Variants in TTLL13 observed in about 807,000 individuals in gnomAD.
The protein encoded by TTLL13 is tubulin polyglutamylase TTLL13.
chr15:90,262,702 C>T, the TTLL13 span: 6 of 1,448,472 alleles, frequency 4.1e-6, no homozygotes, highest in Non-Finnish European at 4.5e-6. Flanking sequence ...TATCTTTCCA[C>T]AGGAAAATGG....
chr15:90,251,461 G>C, the TTLL13 span: 1 of 1,306,696 alleles, frequency 7.7e-7, no homozygotes, highest in Non-Finnish European at 1.1e-6. Flanking sequence ...CTAGAGAAAA[G>C]GAATTGTGTT....
the TTLL13 span, among the ~76,000 whole-genome samples, chr15:90,256,950 C>T: frequency 3.2e-3 from 483 of 152,204 alleles, 9 homozygotes; most frequent in East Asian, 0.055. Flanking sequence ...CCTCTCAAAG[C>T]GCTGGGATTA....
At chr15:90,260,273 G>A in the TTLL13 span, among the ~76,000 whole-genome samples, 1 of 152,150 alleles carries the variant, frequency 6.6e-6, no homozygotes, top group East Asian at 1.9e-4. Context: ...TGAGGTGGGT[G>A]GATCCCTTGA....
the TTLL13 span, among the ~76,000 whole-genome samples, chr15:90,260,619 G>A: frequency 6.6e-6 from 1 of 152,148 alleles, no homozygotes; most frequent in Non-Finnish European, 1.5e-5. Context: ...TTGGGAGGCT[G>A]AGGTGGGCGG....
At chr15:90,256,577 CTTTCTTTCTTTCTTTCTTTCTTTCTTTCT>C in the TTLL13 span, among the ~76,000 whole-genome samples, 12,950 of 56,762 alleles carry the variant, frequency 0.23, 853 homozygotes, top group East Asian at 0.34. Context: ...TTCTTTCTTT[CTTTCTTTCTTTCTTTCTTTCTTTCTTTCT>C]TTCCTTCCTT....
chr15:90,250,973 T>G, the TTLL13 span: 14 of 1,504,366 alleles, frequency 9.3e-6, no homozygotes, highest in Non-Finnish European at 1.3e-5. Context: ...AGCTGGGATC[T>G]CAGATCTTCC....
At chr15:90,262,359 C>G in the TTLL13 span, 2 of 1,150,358 alleles carry the variant, frequency 1.7e-6, no homozygotes, top group Admixed American at 3.0e-5. Flanking sequence ...TTCCTATCTT[C>G]CCCTCTCATT....
chr15:90,258,946 A>T, the TTLL13 span: 1 of 1,614,082 alleles, frequency 6.2e-7, no homozygotes, highest in Non-Finnish European at 8.5e-7. Flanking sequence ...GGTGTCTGGC[A>T]TGTGTTTAGT....
the TTLL13 span, chr15:90,255,780 C>T: frequency 6.2e-7 from 1 of 1,614,154 alleles, no homozygotes; most frequent in African/African-American, 1.3e-5. Context: ...CCTGGCATGA[C>T]AGAAATCTGC....
chr15:90,263,374 C>T, the TTLL13 span: 2 of 516,686 alleles, frequency 3.9e-6, no homozygotes, highest in Non-Finnish European at 6.8e-6. Context: ...AGCTCCAAAC[C>T]TTCTCATTTA....
the TTLL13 span, chr15:90,263,868 T>A: frequency 1.0e-6 from 1 of 969,512 alleles, no homozygotes. Context: ...TTCTGCCCCA[T>A]GAATCAATCC....
chr15:90,256,569 CT>C, the TTLL13 span, among the ~76,000 whole-genome samples: 6 of 33,296 alleles, frequency 1.8e-4, no homozygotes, highest in African/African-American at 7.2e-4. Context: ...TTCTTTCTTT[CT>C]TTCTTTCTTT....
At chr15:90,258,746 A>C in the TTLL13 span, 2 of 1,614,102 alleles carry the variant, frequency 1.2e-6, no homozygotes, top group Non-Finnish European at 1.7e-6. Context: ...CTGGCAGGTA[A>C]ACCACTCTCC....
the TTLL13 span, chr15:90,257,201 C>A: frequency 6.2e-7 from 1 of 1,613,846 alleles, no homozygotes; most frequent in Non-Finnish European, 8.5e-7. Flanking sequence ...ATCCTGTGAC[C>A]CTCTCCGGAT....
chr15:90,259,053 G>T, the TTLL13 span: 1 of 1,521,258 alleles, frequency 6.6e-7, no homozygotes, highest in Non-Finnish European at 8.8e-7. Context: ...TAGATAATAT[G>T]TTCATATTTG....
chr15:90,262,720 CA>C, the TTLL13 span: 1 of 1,422,556 alleles, frequency 7.0e-7, no homozygotes, highest in Non-Finnish European at 9.2e-7. Flanking sequence ...TGGGTTGGGA[CA>C]ACTAGATAGG....
chr15:90,256,302 A>T, the TTLL13 span: 1 of 1,614,116 alleles, frequency 6.2e-7, no homozygotes, highest in Non-Finnish European at 8.5e-7. Flanking sequence ...TCCAAGGTGA[A>T]GGATGCCTCA....
chr15:90,252,935 G>C, the TTLL13 span, among the ~76,000 whole-genome samples: 1 of 152,132 alleles, frequency 6.6e-6, no homozygotes, highest in African/African-American at 2.4e-5. Flanking sequence ...CCTGGGAGGC[G>C]GAGGTTGCAG....
chr15:90,262,001 CA>C, the TTLL13 span: 1 of 1,529,494 alleles, frequency 6.5e-7, no homozygotes, highest in South Asian at 1.2e-5. Flanking sequence ...GCTTGCTTTC[CA>C]CAGGAAAGAA....
Sources: gnomAD v4.1 joint callset for allele counts (sites outside exome capture counted in the v4.1 genomes callset) on GRCh38, gnomAD v4.1.1 for gene constraint, MANE v1.5 for transcripts, NCBI Gene and HGNC (gene_info 2026-07-23, HGNC 2026-07-21) for gene names.